MDGA2: variants seen among roughly 807,000 people sequenced by gnomAD.
The protein encoded by MDGA2 is MAM domain-containing glycosylphosphatidylinositol anchor protein 2.
A neutral mutation model predicts 117.8 loss-of-function variants in MDGA2; 40 were observed. The observed-to-expected ratio is 0.34, with a 90% CI of 0.26 to 0.44. MDGA2 has a LOEUF of 0.44. Among genes scored for constraint, MDGA2 ranks in the 20% least tolerant of loss-of-function variants. MDGA2 has a pLI of 1.00. For synonymous variants in MDGA2, 452 were observed against 439.0 expected (o/e 1.03, Z -0.37); for missense variants, 1,123 against 1,250.6 (o/e 0.90, Z 1.54).
At chr14:47,013,823 C>T (rs1159611565) in intron 8 of MDGA2, among the ~76,000 whole-genome samples, 1 of 114,658 alleles carries the variant, frequency 8.7e-6, no homozygotes, top group Non-Finnish European at 1.9e-5. Context: ...GAGTGTTGCT[C>T]TTTTTGCCCA....
chr14:47,130,827 T>C (rs1882165989), intron 5 of MDGA2, among the ~76,000 whole-genome samples: 1 of 152,154 alleles, frequency 6.6e-6, no homozygotes, highest in South Asian at 2.1e-4. Flanking sequence ...AGCCCACACT[T>C]TTAGAGATTT....
At chr14:47,470,119 T>A (rs1045185324) in intron 1 of MDGA2, among the ~76,000 whole-genome samples, 1 of 93,702 alleles carries the variant, frequency 1.1e-5, no homozygotes, top group African/African-American at 3.3e-5. Flanking sequence ...TATTTATTTT[T>A]ATTTTTTTTT....
intron 1 of MDGA2, among the ~76,000 whole-genome samples, chr14:47,597,070 A>G (rs1896556839): frequency 6.6e-6 from 1 of 152,144 alleles, no homozygotes; most frequent in East Asian, 1.9e-4. Flanking sequence ...AAACCTTCTT[A>G]CTATATAGAT....
At chr14:47,225,165 G>A (rs1886439685) in intron 2 of MDGA2, among the ~76,000 whole-genome samples, 2 of 151,944 alleles carry the variant, frequency 1.3e-5, no homozygotes, top group South Asian at 4.2e-4. Flanking sequence ...GGAAACAACA[G>A]GTGCTGGAGA....
intron 2 of MDGA2, among the ~76,000 whole-genome samples, chr14:47,279,644 C>T (rs1888410434): frequency 6.6e-6 from 1 of 151,926 alleles, no homozygotes; most frequent in Non-Finnish European, 1.5e-5. Context: ...GCTTCCCTAT[C>T]CTGTGATTTT....
chr14:47,188,107 C>T (rs1256738352), intron 3 of MDGA2, among the ~76,000 whole-genome samples: 2 of 152,068 alleles, frequency 1.3e-5, no homozygotes, highest in Non-Finnish European at 2.9e-5. Flanking sequence ...TTGGTAACAT[C>T]GTTGGTTGCA....
chr14:46,854,311 C>T (rs1426086295), intron 15 of MDGA2, among the ~76,000 whole-genome samples: 1 of 151,336 alleles, frequency 6.6e-6, no homozygotes, highest in African/African-American at 2.4e-5. Context: ...AGATATTTTA[C>T]CATATTTTTA....
intron 1 of MDGA2, among the ~76,000 whole-genome samples, chr14:47,304,451 G>A (rs572242376): frequency 1.5e-4 from 23 of 151,960 alleles, no homozygotes; most frequent in African/African-American, 4.6e-4. Context: ...CTAGGCTAGG[G>A]GTATAAAAAA....
At chr14:47,634,183 G>T (rs1193547488) in intron 1 of MDGA2, among the ~76,000 whole-genome samples, 1 of 151,990 alleles carries the variant, frequency 6.6e-6, no homozygotes, top group Non-Finnish European at 1.5e-5. Context: ...GCTTAGTGTG[G>T]TATTTCTCAA....
At position 46,938,241 on chromosome 14, in the gene MDGA2, CA is replaced by C. The variant is rs1447952354; in HGVS notation, c.2090-18082del. Among the ~76,000 whole-genome samples, 178 of 151,912 alleles carry C rather than the reference CA, an allele frequency of 1.2e-3. 1 individual carries two copies. Among genetic ancestry groups the C allele is most frequent in the African/African-American group, 4.1e-3 (171 of 41,474 alleles). On this transcript the variant is annotated intron_variant, in intron 9 of 16. Transcript: ENST00000399232. ...ATCAGGGAAATGCAAATCAGAACCA[CA>C]GTAAGATATCATCCGGCTGGGCATG...
chr14:46,916,441 A>G (rs958550424), intron 10 of MDGA2, among the ~76,000 whole-genome samples: 1 of 151,964 alleles, frequency 6.6e-6, no homozygotes, highest in African/African-American at 2.4e-5. Flanking sequence ...AAAAGCACCT[A>G]TTTCCATTAA....
At chr14:47,582,531 A>C (rs1160826391) in intron 1 of MDGA2, among the ~76,000 whole-genome samples, 1 of 151,838 alleles carries the variant, frequency 6.6e-6, no homozygotes. Flanking sequence ...TCCATGTCTT[A>C]GTTTCTTATT....
At chr14:47,249,292 CA>C (rs1315865144) in intron 2 of MDGA2, among the ~76,000 whole-genome samples, 2 of 152,002 alleles carry the variant, frequency 1.3e-5, no homozygotes, top group African/African-American at 2.4e-5. Flanking sequence ...GCTGAGATTA[CA>C]GGCATGAGTC....
At chr14:47,659,335 C>T (rs933690500) in intron 1 of MDGA2, among the ~76,000 whole-genome samples, 2 of 152,084 alleles carry the variant, frequency 1.3e-5, no homozygotes, top group South Asian at 2.1e-4. Flanking sequence ...ACTGTGAAAA[C>T]CTCTGAAATG....
At chr14:47,300,432 C>G (rs1297710928) in intron 2 of MDGA2, among the ~76,000 whole-genome samples, 3 of 151,972 alleles carry the variant, frequency 2.0e-5, no homozygotes, top group Admixed American at 6.6e-5. Context: ...ATAACCTAAA[C>G]ATATTATCTT....
intron 1 of MDGA2, among the ~76,000 whole-genome samples, chr14:47,543,696 A>C (rs1221889892): frequency 6.6e-6 from 1 of 152,236 alleles, no homozygotes; most frequent in Non-Finnish European, 1.5e-5. Flanking sequence ...TATAGTCATA[A>C]ATCATCTAAT....
At chr14:47,290,047 G>A (rs78123568) in intron 2 of MDGA2, among the ~76,000 whole-genome samples, 4,343 of 152,086 alleles carry the variant, frequency 0.029, 148 homozygotes, top group East Asian at 0.18. Context: ...ACTTGCAAAC[G>A]TAAAATGCTT....
At chr14:47,492,829 T>A (rs1894199982) in intron 1 of MDGA2, among the ~76,000 whole-genome samples, 1 of 152,088 alleles carries the variant, frequency 6.6e-6, no homozygotes, top group Non-Finnish European at 1.5e-5. Flanking sequence ...AAGTATTATT[T>A]CCATGACAGA....
chr14:47,600,716 G>A (rs996235063), intron 1 of MDGA2, among the ~76,000 whole-genome samples: 7 of 137,032 alleles, frequency 5.1e-5, no homozygotes, highest in South Asian at 4.2e-4. Flanking sequence ...TTTTCTCATC[G>A]GATCATTAAA....
Sources: gnomAD v4.1 joint callset for allele counts (sites outside exome capture counted in the v4.1 genomes callset) on GRCh38, gnomAD v4.1.1 for gene constraint, MANE v1.5 for transcripts, NCBI Gene and HGNC (gene_info 2026-07-23, HGNC 2026-07-21) for gene names.